FAM161A: variants seen among roughly 807,000 people sequenced by gnomAD.
The protein encoded by FAM161A is protein FAM161A.
FAM161A carries 57 observed loss-of-function variants against 70.9 expected under a neutral mutation model. The ratio of observed to expected loss-of-function variants is 0.80; its 90% CI spans 0.65 to 1.00. The LOEUF is 1.00. Among genes scored for constraint, FAM161A ranks in the 50% least tolerant of loss-of-function variants. The pLI, the probability that FAM161A is intolerant of heterozygous loss-of-function variation, is 0.00. For synonymous variants in FAM161A, 299 were observed against 295.7 expected (o/e 1.01, Z -0.12); for missense variants, 880 against 836.0 (o/e 1.05, Z -0.65).
intron 3 of FAM161A, 140 bp downstream of exon 3, chr2:61,839,281 C>A (rs1558482689): frequency 1.5e-6 from 1 of 648,586 alleles, no homozygotes. Flanking sequence ...GACAAAATAT[C>A]ATATATTATA....
chr2:61,834,875 AC>A (rs1478903870), intron 5 of FAM161A, among the ~76,000 whole-genome samples: 1 of 152,170 alleles, frequency 6.6e-6, no homozygotes, highest in Non-Finnish European at 1.5e-5. Context: ...AAGAGCAAAA[AC>A]AAAAAACTTG....
chr2:61,829,294 G>C lies in FAM161A; in HGVS notation c.1852-2036C>G, dbSNP rs528262485. Among the ~76,000 whole-genome samples the C allele has an allele frequency of 5.6e-4, 85 of 152,232 alleles. No homozygotes were observed. The South Asian group carries it at 0.016, about 29-fold the overall frequency. ...TGACCTAAAGCCTGACTTGAGCAAC[G>C]TAGTTGTCAGATATTTGCCAAATCT... On this transcript the variant is annotated intron_variant, in intron 5 of 6. Transcript: ENST00000404929.
At position 61,848,826 on chromosome 2, in the gene FAM161A, A is replaced by ATATATATATT. The variant is rs1418159008; in HGVS notation, c.183+5032_183+5033insAATATATATA. On this transcript the variant is annotated intron_variant, in intron 1 of 6. Transcript: ENST00000404929. ...TCTATATATATATTTATATATATAT[A>ATATATATATT]TCTATATATATTTATATATATATTT... Among the ~76,000 whole-genome samples the ATATATATATT allele has an allele frequency of 6.3e-4, 4 of 6,396 alleles. 2 individuals are homozygous for ATATATATATT. Among genetic ancestry groups the ATATATATATT allele is most frequent in the Non-Finnish European group, 1.1e-3 (4 of 3,616 alleles). The allele number at this position is 6,396 out of a possible 152,430, so 4.2% of individuals were successfully genotyped here.
At chr2:61,829,711 C>T (rs1320419265) in intron 5 of FAM161A, among the ~76,000 whole-genome samples, 1 of 152,078 alleles carries the variant, frequency 6.6e-6, no homozygotes, top group Admixed American at 6.6e-5. Flanking sequence ...AAAATTTGTG[C>T]CAGTAAGCCT....
chr2:61,807,633 ATTTTT>A, the FAM161A span, among the ~76,000 whole-genome samples: 30 of 113,316 alleles, frequency 2.6e-4, no homozygotes, highest in African/African-American at 8.5e-4. Context: ...TGGACTCCAG[ATTTTT>A]TTTTTTTTTT....
the FAM161A span, among the ~76,000 whole-genome samples, chr2:61,817,961 C>T: frequency 6.6e-6 from 1 of 151,836 alleles, no homozygotes; most frequent in East Asian, 1.9e-4. Flanking sequence ...CTGTCTGGAA[C>T]AAACAACAAA....
At chr2:61,816,628 T>C in the FAM161A span, among the ~76,000 whole-genome samples, 1 of 151,812 alleles carries the variant, frequency 6.6e-6, no homozygotes, top group Non-Finnish European at 1.5e-5. Flanking sequence ...TGTGGCTAAT[T>C]TTTGTATTTT....
intron 5 of FAM161A, among the ~76,000 whole-genome samples, chr2:61,833,569 T>C (rs1672663561): frequency 6.6e-6 from 1 of 151,900 alleles, no homozygotes; most frequent in Non-Finnish European, 1.5e-5. Context: ...GTTGAAAGGG[T>C]AGGTAAGTGT....
chr2:61,804,813 A>AGAAAGAAAGAAG, the FAM161A span, among the ~76,000 whole-genome samples: 1 of 148,710 alleles, frequency 6.7e-6, no homozygotes, highest in African/African-American at 2.5e-5. Flanking sequence ...AAAGAAAGAA[A>AGAAAGAAAGAAG]GAAAGAGAAA....
the FAM161A span, among the ~76,000 whole-genome samples, chr2:61,815,448 G>A: frequency 2.7e-5 from 4 of 150,740 alleles, no homozygotes; most frequent in East Asian, 2.0e-4. Context: ...AGGAAAGTGC[G>A]TACAAAGGGT....
At chr2:61,807,605 G>T in the FAM161A span, among the ~76,000 whole-genome samples, 1 of 148,336 alleles carries the variant, frequency 6.7e-6, no homozygotes, top group South Asian at 2.1e-4. Context: ...TTGGGACCCT[G>T]AAAGGGTTAG....
chr2:61,827,095 A>T lies in FAM161A; in HGVS notation c.2006+9T>A, dbSNP rs1447834751. On this transcript the variant is annotated intron_variant, in intron 6 of 6. Coordinates refer to ENST00000404929, the MANE Select transcript of FAM161A (RefSeq NM_001201543.2). ...AAGGTAAGCCATTCAGACATCTTAT[A>T]TATGTTACCTTTCTTTGTCTTCAGT... The T allele has an allele frequency of 6.2e-7, 1 of 1,613,192 alleles. No homozygotes were observed. Among genetic ancestry groups the T allele is most frequent in the African/African-American group, 1.3e-5 (1 of 75,022 alleles).
Position 61,825,660 on chromosome 2 carries a change from C to T in FAM161A, c.*795G>A, listed in dbSNP as rs866844878. 6.7e-5 allele frequency: 28 copies of T among 417,888 alleles called. No homozygotes were observed. Among genetic ancestry groups the T allele is most frequent in the Middle Eastern group, 7.9e-4 (1 of 1,258 alleles). 25.9% of individuals were successfully genotyped at this position (417,888 alleles called of 1,614,324 possible). A position where few individuals can be genotyped will look rare whatever the true frequency, so the allele number is the denominator to read the frequency against. ...TATACTTTTTTTTTTTTTTTGGAGA[C>T]GGAGTCTCGCTCTGTTGCCCAAGCT... On this transcript the variant is annotated 3_prime_UTR_variant, in exon 7 of 7. Transcript: ENST00000404929.
intron 1 of FAM161A, among the ~76,000 whole-genome samples, chr2:61,847,805 T>A (rs1673284229): frequency 1.3e-5 from 2 of 151,864 alleles, no homozygotes; most frequent in African/African-American, 2.4e-5. Flanking sequence ...AAGGCAAGGA[T>A]TTGTCTGCTT....
At chr2:61,845,959 T>C (rs1673193751) in intron 1 of FAM161A, among the ~76,000 whole-genome samples, 1 of 151,694 alleles carries the variant, frequency 6.6e-6, no homozygotes, top group South Asian at 2.1e-4. Context: ...CATGGTGGCG[T>C]GTACCTGTAG....
intron 2 of FAM161A, among the ~76,000 whole-genome samples, 167 bp downstream of exon 2, chr2:61,841,955 A>G (rs538350730): frequency 6.6e-6 from 1 of 152,360 alleles, no homozygotes; most frequent in East Asian, 1.9e-4. Flanking sequence ...ACGGTCATCC[A>G]GTAAGCTGAT....
Position 61,839,650 on chromosome 2 carries a change from T to C in FAM161A, c.1354A>G (p.Thr452Ala). The change falls in exon 3 of 7, where the codon ACA becomes GCA. Residue 452 changes from threonine (T) to alanine (A), a missense_variant. Thr to Ala is a moderately conservative substitution (Grantham distance 58). Coordinates refer to ENST00000404929, the MANE Select transcript of FAM161A (RefSeq NM_001201543.2). The stretch of plus-strand genomic sequence containing the variant: ...TGAAGATCAAATGGTTTACACACTG[T>C]TAAGAGTTTTGGAGACTTGTGTTCT... ...LSEHKSPKLLTVCKPFDLHAS... is the reference protein window; with the variant it reads ...LSEHKSPKLLAVCKPFDLHAS... 1 of 1,614,174 alleles carries C rather than the reference T, an allele frequency of 6.2e-7. No individual in the cohort carries two copies. The highest frequency in any genetic ancestry group is 8.5e-7 in the Non-Finnish European group (1 of 1,180,032).
At chr2:61,829,689 A>G (rs559859194) in intron 5 of FAM161A, among the ~76,000 whole-genome samples, 34 of 152,340 alleles carry the variant, frequency 2.2e-4, no homozygotes, top group Admixed American at 1.1e-3. Flanking sequence ...AGACATTAAA[A>G]AGACATTAGT....
chr2:61,832,521 GAA>G (rs1483864271), intron 5 of FAM161A, among the ~76,000 whole-genome samples: 1 of 152,152 alleles, frequency 6.6e-6, no homozygotes, highest in African/African-American at 2.4e-5. Context: ...GTATAACAGT[GAA>G]AAAGTCCTAA....
Sources: gnomAD v4.1 joint callset for allele counts (sites outside exome capture counted in the v4.1 genomes callset) on GRCh38, gnomAD v4.1.1 for gene constraint, MANE v1.5 for transcripts, NCBI Gene and HGNC (gene_info 2026-07-23, HGNC 2026-07-21) for gene names.